Variants in GALNTL6 observed in about 807,000 individuals in gnomAD.
GALNTL6 encodes polypeptide N-acetylgalactosaminyltransferase-like 6.
Under a neutral mutation model 73.7 loss-of-function variants are expected in GALNTL6, and 46 were observed. The ratio of observed to expected loss-of-function variants is 0.62; its 90% confidence interval spans 0.49 to 0.80. The LOEUF (loss-of-function observed/expected upper bound fraction) is 0.80. Ranked by LOEUF, GALNTL6 falls within the 30% of genes least tolerant of loss-of-function variation. The probability of loss-of-function intolerance (pLI) is 0.00; values close to 1 mark genes in which losing one functional copy is unlikely to be tolerated. For synonymous variants in GALNTL6, 259 were observed against 263.7 expected, an observed-to-expected ratio of 0.98 and a Z score of 0.17; for missense variants, 604 against 755.0, an observed-to-expected ratio of 0.80 and a Z score of 2.34.
chr4:172,562,541 T>A (rs1299350273), intron 5 of GALNTL6, among the ~76,000 whole-genome samples: 3 of 152,178 alleles, frequency 2.0e-5, no homozygotes, highest in Admixed American at 2.0e-4. Context: ...TGTGGTGTTG[T>A]CCCTCAAAAA....
chr4:172,122,215 G>A (rs897671201), intron 2 of GALNTL6, among the ~76,000 whole-genome samples: 5 of 151,780 alleles, frequency 3.3e-5, no homozygotes, highest in Admixed American at 3.3e-4. Flanking sequence ...GCATCTCATA[G>A]CTCAGGTTCA....
intron 5 of GALNTL6, chr4:172,667,294 A>C (rs1731724721): frequency 6.6e-6 from 1 of 152,176 alleles, no homozygotes; most frequent in Non-Finnish European, 1.5e-5. Flanking sequence ...CTTCCACTTT[A>C]TTGAGTAAAT....
chr4:172,947,700 T>C (rs549032666), intron 9 of GALNTL6, among the ~76,000 whole-genome samples: 4 of 152,208 alleles, frequency 2.6e-5, no homozygotes, highest in Non-Finnish European at 5.9e-5. Context: ...CAAGCTGTTA[T>C]TGGAATGTTT....
At chr4:172,629,065 C>T (rs1739281132) in intron 5 of GALNTL6, among the ~76,000 whole-genome samples, 1 of 152,082 alleles carries the variant, frequency 6.6e-6, no homozygotes, top group African/African-American at 2.4e-5. Context: ...ACAAAGACAT[C>T]CACTCTTCCA....
At chr4:172,224,185 T>C (rs1736776132) in intron 2 of GALNTL6, among the ~76,000 whole-genome samples, 1 of 152,190 alleles carries the variant, frequency 6.6e-6, no homozygotes, top group Non-Finnish European at 1.5e-5. Context: ...GGCTTTCACA[T>C]ACTTTATCAT....
intron 2 of GALNTL6, among the ~76,000 whole-genome samples, chr4:172,151,634 T>C (rs1340898662): frequency 1.3e-5 from 2 of 151,732 alleles, no homozygotes; most frequent in Admixed American, 6.6e-5. Context: ...AATTCAAGAG[T>C]TGTTGAAAGA....
intron 5 of GALNTL6, among the ~76,000 whole-genome samples, chr4:172,603,661 G>T (rs1738150999): frequency 1.3e-5 from 2 of 152,078 alleles, no homozygotes; most frequent in South Asian, 4.1e-4. Flanking sequence ...TTGTCTTCCT[G>T]TGCACTAGAA....
Position 172,063,460 on chromosome 4 carries a change from A to C in GALNTL6, c.139-166196A>C, listed in dbSNP as rs142827460. Reference sequence around the variant, plus strand: ...GTTATTTCTAGTTTTTTCTATAACTACTTTTTTTAAAGAACTTTTTTTTGG... The same window carrying C: ...GTTATTTCTAGTTTTTTCTATAACTCCTTTTTTTAAAGAACTTTTTTTTGG... On this transcript the variant is annotated intron_variant, in intron 2 of 12. Coordinates refer to ENST00000506823, the MANE Select transcript of GALNTL6 (RefSeq NM_001034845.3). Among the ~76,000 whole-genome samples, 5 of 141,904 alleles carry C rather than the reference A, an allele frequency of 3.5e-5. No homozygotes were observed. The East Asian group carries it at 9.7e-4, about 28-fold the overall frequency. The allele number at this position is 141,904 out of a possible 152,430, so 93.1% of individuals were successfully genotyped here. A position where few individuals can be genotyped will look rare whatever the true frequency, so the allele number is the denominator to read the frequency against.
chr4:171,972,651 G>T (rs975039965), intron 2 of GALNTL6, among the ~76,000 whole-genome samples: 1 of 151,742 alleles, frequency 6.6e-6, no homozygotes, highest in African/African-American at 2.4e-5. Flanking sequence ...TGTATTAGTG[G>T]TTTGGATTTA....
intron 8 of GALNTL6, among the ~76,000 whole-genome samples, chr4:172,887,536 TTTTATTTATTTATTTA>T (rs56097389): frequency 4.0e-4 from 58 of 143,356 alleles, no homozygotes; most frequent in Middle Eastern, 7.2e-3. Flanking sequence ...TATTTTAACC[TTTTATTTATTTATTTA>T]TTTATTTATT....
At chr4:172,045,341 G>GA (rs1742186388) in intron 2 of GALNTL6, among the ~76,000 whole-genome samples, 2 of 152,036 alleles carry the variant, frequency 1.3e-5, no homozygotes, top group South Asian at 2.1e-4. Context: ...TATTTACGTG[G>GA]AAAAATATAA....
intron 2 of GALNTL6, among the ~76,000 whole-genome samples, chr4:172,054,078 G>T (rs1049918380): frequency 2.0e-5 from 3 of 151,904 alleles, no homozygotes; most frequent in African/African-American, 7.2e-5. Flanking sequence ...AGTCCAGGAG[G>T]CTTTCTAAAG....
intron 5 of GALNTL6, among the ~76,000 whole-genome samples, chr4:172,765,219 A>G (rs1738339111): frequency 6.6e-6 from 1 of 152,236 alleles, no homozygotes; most frequent in Admixed American, 6.5e-5. Context: ...TATTACATGG[A>G]GAATGCAGAA....
chr4:171,975,202 T>C (rs1739684563), intron 2 of GALNTL6, among the ~76,000 whole-genome samples: 1 of 152,150 alleles, frequency 6.6e-6, no homozygotes, highest in African/African-American at 2.4e-5. Context: ...CCCATTTCCT[T>C]GAGGACAAGA....
chr4:172,825,688 G>A (rs1217516603), intron 7 of GALNTL6, among the ~76,000 whole-genome samples: 1 of 151,898 alleles, frequency 6.6e-6, no homozygotes, highest in African/African-American at 2.4e-5. Context: ...ATGAGAGAAA[G>A]AATGATTACA....
chr4:172,596,831 T>C (rs1282604510), intron 5 of GALNTL6, among the ~76,000 whole-genome samples: 2 of 152,192 alleles, frequency 1.3e-5, no homozygotes, highest in African/African-American at 4.8e-5. Context: ...AGCAAATGAA[T>C]ATATATAGGA....
At chr4:172,278,211 T>C (rs1293531802) in intron 3 of GALNTL6, among the ~76,000 whole-genome samples, 1 of 152,210 alleles carries the variant, frequency 6.6e-6, no homozygotes, top group East Asian at 1.9e-4. Flanking sequence ...TGTACTTATT[T>C]AAGTTTTTTA....
chr4:171,890,664 T>G (rs1186644879), intron 2 of GALNTL6, among the ~76,000 whole-genome samples: 2 of 152,182 alleles, frequency 1.3e-5, no homozygotes, highest in African/African-American at 4.8e-5. Flanking sequence ...GCATTATACT[T>G]GTAGTTACTT....
intron 5 of GALNTL6, among the ~76,000 whole-genome samples, chr4:172,775,275 T>C (rs1391993937): frequency 6.6e-6 from 1 of 152,198 alleles, no homozygotes; most frequent in East Asian, 1.9e-4. Context: ...GACCTTGATG[T>C]TGTTTTAATT....
Sources: gnomAD v4.1 joint callset for allele counts (sites outside exome capture counted in the v4.1 genomes callset) on GRCh38, gnomAD v4.1.1 for gene constraint, MANE v1.5 for transcripts, NCBI Gene and HGNC (gene_info 2026-07-23, HGNC 2026-07-21) for gene names.